The following ATP2A1 variants were observed in gnomAD, a reference collection of about 807,000 sequenced individuals.
ATP2A1 encodes the protein sarcoplasmic/endoplasmic reticulum calcium ATPase 1.
A neutral mutation model predicts 109.5 loss-of-function variants in ATP2A1; 83 were observed. The observed-to-expected ratio is 0.76, with a 90% CI of 0.63 to 0.91. ATP2A1 has a LOEUF of 0.91. Among genes scored for constraint, ATP2A1 ranks in the 40% least tolerant of loss-of-function variants. ATP2A1 has a pLI of 0.00. For synonymous variants in ATP2A1, 505 were observed against 537.6 expected, an observed-to-expected ratio of 0.94 and a Z score of 0.84; for missense variants, 1,101 against 1,341.0, an observed-to-expected ratio of 0.82 and a Z score of 2.80.
chr16:28,882,485 A>G lies in ATP2A1; in HGVS notation c.359A>G (p.Lys120Arg). Residue 120 changes from lysine to arginine, a missense_variant, in exon 5 of 23, where the codon AAG becomes AGG. Physicochemically the swap from Lys to Arg is conservative, Grantham distance 26. Transcript: ENST00000395503. ...RNAENAIEAL[K>R]EYEPEMGKVY... ...GCAGAGAACGCCATCGAGGCCCTGA[A>G]GGAGTATGAGCCAGAGATGGGGAAG... The G allele has an allele frequency of 6.2e-7, 1 of 1,614,200 alleles. No individual in the cohort carries two copies. The highest frequency in any genetic ancestry group is 8.5e-7 in the Non-Finnish European group (1 of 1,180,030).
At chr16:28,879,646 G>C in intron 3 of ATP2A1, 63 bp downstream of exon 3, 1 of 1,533,852 alleles carries the variant, frequency 6.5e-7, no homozygotes. Flanking sequence ...GGCGAATGCG[G>C]GGCTCGCAGT....
intron 6 of ATP2A1, among the ~76,000 whole-genome samples, chr16:28,886,427 G>C (rs1252505113): frequency 2.0e-5 from 3 of 152,116 alleles, no homozygotes; most frequent in Non-Finnish European, 2.9e-5. Context: ...CAGGGGGCAA[G>C]GGCTAGGCTG....
intron 5 of ATP2A1, 140 bp from the exon 6 acceptor site, chr16:28,884,435 G>T (rs1464552150): frequency 1.4e-5 from 11 of 779,954 alleles, no homozygotes; most frequent in Non-Finnish European, 2.2e-5. Flanking sequence ...TCAAGCCAAG[G>T]GCCTGATGCA....
chr16:28,897,747 G>C (rs1176307186), intron 12 of ATP2A1, among the ~76,000 whole-genome samples: 1 of 152,150 alleles, frequency 6.6e-6, no homozygotes, highest in Non-Finnish European at 1.5e-5. Context: ...TGGGATTACA[G>C]GCATGAGCCA....
rs1341024039 is a variant in ATP2A1 at position 28,885,009 on chromosome 16, T to A, written c.544+354T>A. 9.2e-5 allele frequency among the ~76,000 whole-genome samples: 14 copies of A among 151,766 alleles called. 1 individual carries two copies. Among genetic ancestry groups the A allele is most frequent in the Admixed American group, 9.2e-4 (14 of 15,228 alleles). On this transcript the variant is annotated intron_variant, in intron 6 of 22. Coordinates refer to ENST00000395503, the MANE Select transcript of ATP2A1 (RefSeq NM_004320.6). The stretch of plus-strand genomic sequence containing the variant: ...ATCCCAGCACTTTGGGAGGCCGAGG[T>A]GGGTGGATCACCTGAGGTCAGGAGT...
In ATP2A1 at chr16:28,894,993, C is replaced by G. The variant is rs559931819; in HGVS notation, c.1419+40C>G. 99 of 1,606,706 alleles carry G rather than the reference C, an allele frequency of 6.2e-5. 2 individuals carry two copies. In the South Asian group the frequency reaches 1.0e-3, roughly 16 times the overall value. The stretch of plus-strand genomic sequence containing the variant: ...CCCCTGCCACAGGGCCGTCTCCACT[C>G]TATGCTGCATAGACTAGAGGAAGGC... On this transcript the variant is annotated intron_variant, in intron 12 of 22. Transcript: ENST00000395503.
At position 28,894,682 on chromosome 16, in the gene ATP2A1, A is replaced by G; in HGVS notation, c.1287+75A>G. 15 of 1,598,214 alleles carry G rather than the reference A, an allele frequency of 9.4e-6. 1 individual carries two copies. The South Asian group carries it at 1.5e-4, about 16-fold the overall frequency. On this transcript the variant is annotated intron_variant, in intron 11 of 22. Coordinates refer to ENST00000395503, the MANE Select transcript of ATP2A1 (RefSeq NM_004320.6). ...AAGGCCAGGAGGAAAGGGTTGGAGG[A>G]AGGGGACCCAGTACACCCAGCCCTC...
rs769441734 is a variant in ATP2A1 at position 28,878,779 on chromosome 16, C to T, written c.108C>T (p.Tyr36=). The change falls in exon 1 of 23, where the codon TAC becomes TAT. Residue 36 remains tyrosine, a synonymous_variant. Coordinates refer to ENST00000395503, the MANE Select transcript of ATP2A1 (RefSeq NM_004320.6). ...AAGTTAAGCGGAATCTGGAGAAATA[C>T]GGCCTCAATGGTAAGTGTCCCTTGG... The part of the protein sequence containing the change: ...PDQVKRNLEK[Y]GLNELPAEEG... 6 of 1,613,780 alleles carry T rather than the reference C, an allele frequency of 3.7e-6. No individual in the cohort carries two copies. Among genetic ancestry groups the T allele is most frequent in the South Asian group, 1.1e-5 (1 of 91,048 alleles).
chr16:28,885,166 A>G (rs1016382768), intron 6 of ATP2A1, among the ~76,000 whole-genome samples: 1 of 151,392 alleles, frequency 6.6e-6, no homozygotes, highest in Non-Finnish European at 1.5e-5. Flanking sequence ...GTAGAACTGC[A>G]TGAACCCAGG....
intron 6 of ATP2A1, among the ~76,000 whole-genome samples, chr16:28,885,829 A>G (rs1418819171): frequency 6.6e-6 from 1 of 152,050 alleles, no homozygotes; most frequent in East Asian, 1.9e-4. Flanking sequence ...GGGAGGAGCC[A>G]TGAGATTCTA....
Position 28,902,226 on chromosome 16 carries a change from C to A in ATP2A1, c.2364C>A (p.Ile788=). The change falls in exon 17 of 23, where the codon ATC becomes ATA. Residue 788 remains isoleucine (I), a synonymous_variant. Coordinates refer to ENST00000395503, the MANE Select transcript of ATP2A1 (RefSeq NM_004320.6). The surrounding 1 kb of genome is among the most constrained non-coding windows in gnomAD (Gnocchi z 4.8). ...CCCTGGGGCTGCCTGAGGCCCTGAT[C>A]CCGGTGCAGCTGCTATGGGTGAACT... is the stretch of plus-strand genomic sequence containing the variant. ...TAALGLPEAL[I]PVQLLWVNLV... 6.2e-7 allele frequency: 1 copy of A among 1,614,142 alleles called. No individual in the cohort carries two copies. Among genetic ancestry groups the A allele is most frequent in the East Asian group, 2.2e-5 (1 of 44,878 alleles).
Position 28,903,212 on chromosome 16 carries a change from C to T in ATP2A1, c.2862+65C>T, listed in dbSNP as rs1426608919. The stretch of plus-strand genomic sequence containing the variant: ...GGGGAGCCCACGGCGGGCCCATGAC[C>T]ACTCCCACCAGGGGCGCCGATGTGG... On this transcript the variant is annotated intron_variant, in intron 20 of 22. Coordinates refer to ENST00000395503, the MANE Select transcript of ATP2A1 (RefSeq NM_004320.6). The surrounding 1 kb of genome is among the most constrained non-coding windows in gnomAD (Gnocchi z 5.6). 9 of 1,592,930 alleles carry T rather than the reference C, an allele frequency of 5.6e-6. No homozygotes were observed. The highest frequency in any genetic ancestry group is 7.7e-6 in the Non-Finnish European group (9 of 1,162,100).
chr16:28,901,834 C>T, intron 15 of ATP2A1, 29 bp from the exon 16 acceptor site: 3 of 1,588,688 alleles, frequency 1.9e-6, no homozygotes, highest in Non-Finnish European at 2.6e-6. Context: ...GTGAAGGTGC[C>T]CTAAGCCCAC....
Position 28,903,967 on chromosome 16 carries a change from C to T in ATP2A1, c.*38-213C>T, listed in dbSNP as rs1964169962. The T allele has an allele frequency of 1.0e-5, 7 of 702,946 alleles. No individual in the cohort carries two copies. The highest frequency in any genetic ancestry group is 3.2e-5 in the South Asian group (2 of 61,620). The allele number at this position is 702,946 out of a possible 1,614,324, so 43.5% of individuals were successfully genotyped here. ...TGCCAGCCTCTGGGCCCGTCTGCTG[C>T]GCTGCGTTGCGCTGGCTGTGTGCTG... On this transcript the variant is annotated intron_variant, in intron 22 of 22. Coordinates refer to ENST00000395503, the MANE Select transcript of ATP2A1 (RefSeq NM_004320.6). The surrounding 1 kb of genome is among the most constrained non-coding windows in gnomAD (Gnocchi z 5.6).
At chr16:28,887,315 C>T (rs765526317) in intron 7 of ATP2A1, 41 bp downstream of exon 7, 7 of 1,613,266 alleles carry the variant, frequency 4.3e-6, no homozygotes, top group Non-Finnish European at 5.9e-6. Context: ...TCAGTCAAGC[C>T]AGGTGCCCGG....
chr16:28,901,015 A>C, intron 15 of ATP2A1, 99 bp downstream of exon 15: 1 of 1,468,832 alleles, frequency 6.8e-7, no homozygotes, highest in Non-Finnish European at 9.4e-7. Flanking sequence ...CCCTGGTAAG[A>C]TGCAAGAAGG....
intron 12 of ATP2A1, among the ~76,000 whole-genome samples, chr16:28,895,495 G>A (rs1963896138): frequency 6.6e-6 from 1 of 151,634 alleles, no homozygotes; most frequent in Admixed American, 6.6e-5. Context: ...CTCTTTTTTT[G>A]TATATGCAAA....
intron 2 of ATP2A1, 65 bp from the exon 3 acceptor site, chr16:28,879,436 G>A: frequency 6.8e-7 from 1 of 1,460,606 alleles, no homozygotes; most frequent in South Asian, 1.1e-5. Context: ...AGTCCAGGGC[G>A]CTCCATCCCA....
At chr16:28,879,982 C>G in intron 3 of ATP2A1, 10 of 1,019,470 alleles carry the variant, frequency 9.8e-6, no homozygotes, top group Non-Finnish European at 1.2e-5. Context: ...CCCGTCGGCG[C>G]CCCTGCCCCG....
Sources: allele counts gnomAD v4.1 joint callset (sites outside exome capture counted in the v4.1 genomes callset), GRCh38; gene constraint gnomAD v4.1.1; non-coding constraint Gnocchi (gnomAD v3.1); transcripts MANE v1.5; gene names NCBI Gene and HGNC (gene_info 2026-07-23, HGNC 2026-07-21).